Variants in SBF2 observed in about 807,000 individuals in gnomAD.
SBF2 encodes SET binding factor 2.
Under a neutral mutation model 225.2 loss-of-function variants are expected in SBF2, and 112 were observed. The ratio of observed to expected loss-of-function variants is 0.50; its 90% CI spans 0.43 to 0.58. The LOEUF is 0.58. Ranked by LOEUF, SBF2 falls within the 20% of genes least tolerant of loss-of-function variation. The pLI, the probability that SBF2 is intolerant of heterozygous loss-of-function variation, is 0.00. For missense variants in SBF2, 1,996 were observed against 2,206.2 expected (o/e 0.90, Z 1.91); for synonymous variants, 763 against 773.3 (o/e 0.99, Z 0.22).
intron 2 of SBF2, among the ~76,000 whole-genome samples, chr11:10,153,458 T>G (rs1253267272): frequency 6.6e-6 from 1 of 151,844 alleles, no homozygotes; most frequent in Non-Finnish European, 1.5e-5. Flanking sequence ...AAAAGAAAAA[T>G]TTAAAAATAT....
Position 9,970,464 on chromosome 11 carries a change from C to T in SBF2, c.1396-1919G>A, listed in dbSNP as rs1421945317. Reference sequence around the variant, plus strand: ...TCGTGATCCACCCGCCTCAGCCTCCCATACATCCTCTTGACACTTAAAATG... The same window carrying T: ...TCGTGATCCACCCGCCTCAGCCTCCTATACATCCTCTTGACACTTAAAATG... On this transcript the variant is annotated intron_variant, in intron 13 of 39. Coordinates refer to ENST00000256190, the MANE Select transcript of SBF2 (RefSeq NM_030962.4). Among the ~76,000 whole-genome samples, 4 of 152,168 alleles carry T rather than the reference C, an allele frequency of 2.6e-5. No homozygotes were observed. In the South Asian group the frequency reaches 8.3e-4, roughly 32 times the overall value.
At chr11:10,014,254 T>C (rs527272269) in intron 6 of SBF2, among the ~76,000 whole-genome samples, 1 of 152,254 alleles carries the variant, frequency 6.6e-6, no homozygotes, top group Non-Finnish European at 1.5e-5. Context: ...AATATATGCA[T>C]GTACATATAT....
intron 2 of SBF2, among the ~76,000 whole-genome samples, chr11:10,144,573 T>C (rs1954803474): frequency 6.6e-6 from 1 of 152,230 alleles, no homozygotes; most frequent in African/African-American, 2.4e-5. Context: ...ATTTTCACTT[T>C]ACAAGAACTA....
intron 13 of SBF2, among the ~76,000 whole-genome samples, chr11:9,986,852 G>A (rs1947216863): frequency 6.6e-6 from 1 of 152,148 alleles, no homozygotes; most frequent in Non-Finnish European, 1.5e-5. Flanking sequence ...GACATTCAAT[G>A]AAACACCAGT....
At chr11:10,282,186 T>C (rs1478099253) in intron 1 of SBF2, among the ~76,000 whole-genome samples, 1 of 152,202 alleles carries the variant, frequency 6.6e-6, no homozygotes, top group Non-Finnish European at 1.5e-5. Context: ...TGAAATTCTA[T>C]ATACCCAGGG....
chr11:9,891,531 C>G (rs1860814819), intron 17 of SBF2, among the ~76,000 whole-genome samples: 1 of 152,148 alleles, frequency 6.6e-6, no homozygotes, highest in Admixed American at 6.5e-5. Flanking sequence ...TGTGATTACT[C>G]TGAAACAGAT....
intron 1 of SBF2, among the ~76,000 whole-genome samples, chr11:10,279,027 G>A (rs1963196688): frequency 7.0e-6 from 1 of 143,394 alleles, no homozygotes; most frequent in Non-Finnish European, 1.5e-5. Flanking sequence ...GAGGCCATGA[G>A]TTTGAGGCTG....
At chr11:10,143,057 C>A (rs1363173869) in intron 2 of SBF2, among the ~76,000 whole-genome samples, 9 of 152,124 alleles carry the variant, frequency 5.9e-5, no homozygotes, top group Admixed American at 5.9e-4. Flanking sequence ...TGAAAGTATT[C>A]CTCTTCTTAA....
chr11:9,877,444 T>A (rs905320975), intron 17 of SBF2, among the ~76,000 whole-genome samples: 1 of 152,198 alleles, frequency 6.6e-6, no homozygotes, highest in Non-Finnish European at 1.5e-5. Context: ...ATGTGCACAA[T>A]GTGCAGGTTT....
chr11:10,043,229 G>C (rs1344413217), intron 2 of SBF2, among the ~76,000 whole-genome samples: 1 of 152,146 alleles, frequency 6.6e-6, no homozygotes, highest in East Asian at 1.9e-4. Flanking sequence ...CCATTTCTGA[G>C]ACCCAGGTAG....
intron 1 of SBF2, among the ~76,000 whole-genome samples, chr11:10,242,363 G>C: frequency 6.7e-6 from 1 of 150,120 alleles, no homozygotes; most frequent in Admixed American, 6.6e-5. Context: ...ACCCATAGTA[G>C]GTACAAAAAA....
intron 19 of SBF2, among the ~76,000 whole-genome samples, chr11:9,855,673 A>G (rs936176514): frequency 2.0e-5 from 3 of 152,272 alleles, no homozygotes; most frequent in African/African-American, 7.2e-5. Context: ...ACAAGCAAAC[A>G]TATGAAAATA....
chr11:9,999,366 G>A (rs1175121333), intron 8 of SBF2, among the ~76,000 whole-genome samples: 1 of 151,848 alleles, frequency 6.6e-6, no homozygotes, highest in East Asian at 1.9e-4. Flanking sequence ...TCTCGCCCAG[G>A]CTGGAGTATA....
At chr11:9,829,102 C>G (rs960238214) in intron 28 of SBF2, among the ~76,000 whole-genome samples, 3 of 151,966 alleles carry the variant, frequency 2.0e-5, no homozygotes. Context: ...CAGTGAGACC[C>G]CATCTCTTAA....
intron 16 of SBF2, among the ~76,000 whole-genome samples, chr11:9,904,052 G>C (rs1564980097): frequency 1.3e-5 from 2 of 151,958 alleles, no homozygotes; most frequent in Non-Finnish European, 2.9e-5. Context: ...ATTCCTAGAG[G>C]GTGGGGGACA....
rs190182623 is a variant in SBF2 at position 10,289,057 on chromosome 11, T to C, written c.55+4958A>G. ...TCCCTCAAACCCCTCCCACGGTGCT[T>C]GTCAGGGCCCAAAGTCCAGAGGGGG... On this transcript the variant is annotated intron_variant, in intron 1 of 39. Coordinates refer to ENST00000256190, the MANE Select transcript of SBF2 (RefSeq NM_030962.4). 1.4e-4 allele frequency among the ~76,000 whole-genome samples: 21 copies of C among 152,254 alleles called. No individual in the cohort carries two copies. The East Asian group carries it at 3.9e-3, about 28-fold the overall frequency.
chr11:10,124,615 G>A (rs73412842), intron 2 of SBF2, among the ~76,000 whole-genome samples: 2,255 of 152,064 alleles, frequency 0.015, 45 homozygotes, highest in African/African-American at 0.039. Context: ...TGTTCATTCT[G>A]TATTTTCATG....
chr11:9,826,253 T>C (rs1006159832), intron 28 of SBF2, among the ~76,000 whole-genome samples: 1 of 152,174 alleles, frequency 6.6e-6, no homozygotes, highest in Non-Finnish European at 1.5e-5. Context: ...AACCTAGTGA[T>C]GGGGCTGCCC....
chr11:10,152,194 C>A (rs138888290), intron 2 of SBF2, among the ~76,000 whole-genome samples: 1 of 152,252 alleles, frequency 6.6e-6, no homozygotes, highest in Non-Finnish European at 1.5e-5. Flanking sequence ...TAAAAATTTT[C>A]GTCATGCCAG....
Sources: allele counts gnomAD v4.1 joint callset (sites outside exome capture counted in the v4.1 genomes callset), GRCh38; gene constraint gnomAD v4.1.1; transcripts MANE v1.5; gene names NCBI Gene and HGNC (gene_info 2026-07-23, HGNC 2026-07-21).